RAI1: variants seen among roughly 807,000 people sequenced by gnomAD.
RAI1 encodes the protein retinoic acid-induced protein 1.
A neutral mutation model predicts 123.8 loss-of-function variants in RAI1; 9 were observed. The ratio of observed to expected loss-of-function variants is 0.07; its 90% CI spans 0.04 to 0.13. The LOEUF is 0.13. Ranked by LOEUF, RAI1 falls within the 10% of genes least tolerant of loss-of-function variation. The pLI is 1.00. For synonymous variants in RAI1, 1,231 were observed against 1,127.3 expected (o/e 1.09, Z -1.84); for missense variants, 2,256 against 2,545.8 (o/e 0.89, Z 2.45).
At chr17:17,783,478 T>A (rs374647025) in intron 2 of RAI1, among the ~76,000 whole-genome samples, 80 of 151,760 alleles carry the variant, frequency 5.3e-4, no homozygotes, top group South Asian at 5.2e-3. Flanking sequence ...TCCTGCGGAT[T>A]TTCTCCGGCA....
intron 1 of RAI1, among the ~76,000 whole-genome samples, chr17:17,690,333 G>A (rs910741584): frequency 6.6e-6 from 1 of 151,136 alleles, no homozygotes; most frequent in African/African-American, 2.4e-5. Flanking sequence ...GTGGCAGTGA[G>A]CCAAGATGAT....
chr17:17,770,599 CA>C (rs1439253218), intron 2 of RAI1, among the ~76,000 whole-genome samples: 1 of 136,954 alleles, frequency 7.3e-6, no homozygotes, highest in Non-Finnish European at 1.6e-5. Flanking sequence ...GGTCAGGGGC[CA>C]GGGCCTGCCA....
chr17:17,803,425 C>T (rs2032525353), intron 3 of RAI1, among the ~76,000 whole-genome samples: 1 of 152,070 alleles, frequency 6.6e-6, no homozygotes, highest in Non-Finnish European at 1.5e-5. Context: ...GGCAGGGTCT[C>T]ACTCTTGCCC....
intron 2 of RAI1, among the ~76,000 whole-genome samples, chr17:17,776,032 C>A (rs1190262823): frequency 6.6e-6 from 1 of 152,212 alleles, no homozygotes; most frequent in Admixed American, 6.5e-5. Context: ...GCAGCCTGTA[C>A]AGGAATTCAG....
rs1914487837 is a variant in RAI1 at position 17,682,860 on chromosome 17, C to G, written c.-149+1067C>G. 2.6e-5 allele frequency among the ~76,000 whole-genome samples: 4 copies of G among 151,958 alleles called. No individual in the cohort carries two copies. In the South Asian group the frequency reaches 8.3e-4, roughly 32 times the overall value. On this transcript the variant is annotated intron_variant, in intron 1 of 5. Coordinates refer to ENST00000353383, the MANE Select transcript of RAI1 (RefSeq NM_030665.4). ...GGAGCCCGGGCTGGCGGGGGCGCGG[C>G]GGGCCTCGGGCTCTGAATGGATGGG...
chr17:17,777,504 G>A (rs1053332187), intron 2 of RAI1: 1 of 152,258 alleles, frequency 6.6e-6, no homozygotes, highest in East Asian at 1.9e-4. Context: ...GTTTGTAGAT[G>A]CAAATGCCTA....
intron 2 of RAI1, among the ~76,000 whole-genome samples, chr17:17,730,335 T>C (rs1400038749): frequency 6.6e-6 from 1 of 152,200 alleles, no homozygotes; most frequent in East Asian, 1.9e-4. Flanking sequence ...GATGAACTCA[T>C]GTTTGCATAA....
At chr17:17,789,869 AC>A (rs1249125557) in intron 2 of RAI1, among the ~76,000 whole-genome samples, 1 of 152,122 alleles carries the variant, frequency 6.6e-6, no homozygotes, top group Non-Finnish European at 1.5e-5. Context: ...GTTGAGCTGG[AC>A]CATGAGGAGT....
intron 1 of RAI1, among the ~76,000 whole-genome samples, chr17:17,701,129 T>A (rs1330054114): frequency 6.6e-6 from 1 of 152,068 alleles, no homozygotes; most frequent in Admixed American, 6.5e-5. Flanking sequence ...TGGGATGGGA[T>A]TGGGGATGGG....
chr17:17,693,155 A>T (rs569799762), intron 1 of RAI1, among the ~76,000 whole-genome samples: 1 of 152,252 alleles, frequency 6.6e-6, no homozygotes, highest in Non-Finnish European at 1.5e-5. Context: ...CACTGAGGGC[A>T]TCCACCATGT....
chr17:17,789,820 G>A (rs899578360), intron 2 of RAI1, among the ~76,000 whole-genome samples: 12 of 152,178 alleles, frequency 7.9e-5, no homozygotes, highest in African/African-American at 2.2e-4. Flanking sequence ...GGGGAGAAAC[G>A]GATGGATGGG....
At chr17:17,739,926 A>G (rs902171703) in intron 2 of RAI1, among the ~76,000 whole-genome samples, 4 of 152,196 alleles carry the variant, frequency 2.6e-5, no homozygotes, top group African/African-American at 4.8e-5. Flanking sequence ...CCTTCCCCCA[A>G]GCACATACAG....
At position 17,798,054 on chromosome 17, in the gene RAI1, C is replaced by T. The variant is rs1285507926; in HGVS notation, c.5106C>T (p.Leu1702=). ...CCAACTTCAAGGACCTTGGGGACCT[C>T]TGTGGGCCCTACTACCCTGAACACT... is the stretch of plus-strand genomic sequence containing the variant. ...NPANFKDLGD[L]CGPYYPEHCL... Residue 1702 remains leucine (L), a synonymous_variant, in exon 3 of 6, where the codon CTC becomes CTT. Transcript: ENST00000353383. 6.2e-7 allele frequency: 1 copy of T among 1,614,124 alleles called. No individual in the cohort carries two copies. The highest frequency in any genetic ancestry group is 1.3e-5 in the African/African-American group (1 of 75,058).
intron 2 of RAI1, among the ~76,000 whole-genome samples, chr17:17,789,046 C>T (rs2031925659): frequency 6.6e-6 from 1 of 152,178 alleles, no homozygotes; most frequent in African/African-American, 2.4e-5. Context: ...AAGTGAGGAC[C>T]CTGGCCTGAG....
At chr17:17,704,036 G>A (rs752998818) in intron 1 of RAI1, among the ~76,000 whole-genome samples, 1 of 152,178 alleles carries the variant, frequency 6.6e-6, no homozygotes, top group Non-Finnish European at 1.5e-5. Flanking sequence ...CTCGGGGGGT[G>A]GCCCAAGCAG....
intron 4 of RAI1, among the ~76,000 whole-genome samples, chr17:17,804,940 G>A (rs2032567153): frequency 6.6e-6 from 1 of 152,042 alleles, no homozygotes; most frequent in Non-Finnish European, 1.5e-5. Context: ...TTGGCTCACT[G>A]CAACCTCCGC....
chr17:17,809,315 C>T lies in RAI1; in HGVS notation c.5660-75C>T. The T allele has an allele frequency of 7.4e-7, 1 of 1,355,068 alleles. No individual in the cohort carries two copies. The highest frequency in any genetic ancestry group is 1.2e-5 in the South Asian group (1 of 85,834). 83.9% of individuals were successfully genotyped at this position (1,355,068 alleles called of 1,614,324 possible). A position where few individuals can be genotyped will look rare whatever the true frequency, so the allele number is the denominator to read the frequency against. Reference sequence around the variant, plus strand: ...CCTCGCGGGCAGTGCGGCTCCCCTCCTGGCTGCAGACAAAACCCCACAGCT... The same window carrying T: ...CCTCGCGGGCAGTGCGGCTCCCCTCTTGGCTGCAGACAAAACCCCACAGCT... On this transcript the variant is annotated intron_variant, in intron 4 of 5. Coordinates refer to ENST00000353383, the MANE Select transcript of RAI1 (RefSeq NM_030665.4). This position sits in a 1 kb window ranked among gnomAD's most constrained non-coding sequence, Gnocchi z 4.9.
intron 2 of RAI1, among the ~76,000 whole-genome samples, chr17:17,754,602 G>A (rs1464663494): frequency 6.6e-6 from 1 of 152,176 alleles, no homozygotes; most frequent in Non-Finnish European, 1.5e-5. Context: ...CACTAGTAAA[G>A]TTACAGAAAT....
intron 2 of RAI1, among the ~76,000 whole-genome samples, chr17:17,781,269 AC>A (rs780034201): frequency 6.6e-6 from 1 of 152,048 alleles, no homozygotes; most frequent in African/African-American, 2.4e-5. Context: ...AGGGAGTCTT[AC>A]CCCACCTCCT....
Sources: allele counts gnomAD v4.1 joint callset (sites outside exome capture counted in the v4.1 genomes callset), GRCh38; gene constraint gnomAD v4.1.1; non-coding constraint Gnocchi (gnomAD v3.1); transcripts MANE v1.5; gene names NCBI Gene and HGNC (gene_info 2026-07-23, HGNC 2026-07-21).